Variants in BHMT2 observed in about 807,000 individuals in gnomAD.
The protein encoded by BHMT2 is S-methylmethionine--homocysteine S-methyltransferase BHMT2.
A neutral mutation model predicts 39.0 loss-of-function variants in BHMT2; 28 were observed. That is an observed-to-expected ratio of 0.72 (90% CI 0.53 to 0.98). The LOEUF (loss-of-function observed/expected upper bound fraction) is 0.98, where lower values mean the gene tolerates loss of function less well. BHMT2 is among the 50% of genes least tolerant of loss of function. The pLI is 0.00. For synonymous variants in BHMT2, 145 were observed against 160.6 expected, an observed-to-expected ratio of 0.90 and a Z score of 0.74; for missense variants, 410 against 455.6, an observed-to-expected ratio of 0.90 and a Z score of 0.91.
intron 1 of BHMT2, among the ~76,000 whole-genome samples, chr5:79,076,365 A>G (rs1755671903): frequency 6.6e-6 from 1 of 152,134 alleles, no homozygotes; most frequent in Non-Finnish European, 1.5e-5. Context: ...TTATAGGCAC[A>G]GGATGGAGGT....
At position 79,077,493 on chromosome 5, in the gene BHMT2, G is replaced by T. The variant is rs534723307; in HGVS notation, c.47G>T (p.Arg16Leu). ...TCTCTTCTTCAGGGGATTTTGGAGC[G>T]CCTGGAGAGTGGGGAGGTTGTGATT... is the stretch of plus-strand genomic sequence containing the variant. The part of the protein sequence containing the change: ...RPGAKKGILE[R>L]LESGEVVIGD... Residue 16 changes from arginine to leucine, a missense_variant, in exon 2 of 8, where the codon CGC becomes CTC. Arg to Leu is a moderately radical substitution (Grantham distance 102, BLOSUM62 -2). Transcript: ENST00000255192. The T allele has an allele frequency of 1.2e-6, 2 of 1,613,482 alleles. No homozygotes were observed. The highest frequency in any genetic ancestry group is 1.7e-6 in the Non-Finnish European group (2 of 1,179,822).
chr5:79,088,676 T>C lies in BHMT2; in HGVS notation c.*102T>C, dbSNP rs1029596385. The C allele has an allele frequency of 1.6e-5, 14 of 889,880 alleles. No homozygotes were observed. Among genetic ancestry groups the C allele is most frequent in the Non-Finnish European group, 2.1e-5 (12 of 564,818 alleles). 55.1% of individuals were successfully genotyped at this position (889,880 alleles called of 1,614,324 possible). A position where few individuals can be genotyped will look rare whatever the true frequency, so the allele number is the denominator to read the frequency against. ...CCTTCATCCTCACCATGCCCTGCTA[T>C]CTCCAGCTGCTGAGCAGCTGAGGTG... On this transcript the variant is annotated 3_prime_UTR_variant, in exon 8 of 8. Coordinates refer to ENST00000255192, the MANE Select transcript of BHMT2 (RefSeq NM_017614.5).
At chr5:79,086,924 C>A (rs1022482655) in intron 7 of BHMT2, among the ~76,000 whole-genome samples, 2 of 150,462 alleles carry the variant, frequency 1.3e-5, no homozygotes, top group Non-Finnish European at 3.0e-5. Flanking sequence ...TGTTATGGAT[C>A]ATTGTATTTC....
intron 2 of BHMT2, 93 bp from the exon 3 acceptor site, chr5:79,079,276 A>G (rs931064934): frequency 2.4e-6 from 2 of 840,118 alleles, no homozygotes; most frequent in South Asian, 1.6e-5. Context: ...AAGAGATGGG[A>G]GTCAGTGAGC....
rs1324948123 is a variant in BHMT2, at chr5:79,082,670, A to C, written c.451-139A>C. The C allele has an allele frequency of 1.5e-5, 14 of 942,228 alleles. 1 individual carries two copies. In the East Asian group the frequency reaches 3.6e-4, roughly 24 times the overall value. The allele number at this position is 942,228 out of a possible 1,614,324, so 58.4% of individuals were successfully genotyped here. ...GTATTCTTTAGTCAGTCTGATAGAC[A>C]CACATTCCTTAGCAAGTTTTATTAT... On this transcript the variant is annotated intron_variant, in intron 4 of 7. Coordinates refer to ENST00000255192, the MANE Select transcript of BHMT2 (RefSeq NM_017614.5).
At chr5:79,085,931 A>G (rs893180699) in intron 7 of BHMT2, among the ~76,000 whole-genome samples, 3 of 152,058 alleles carry the variant, frequency 2.0e-5, no homozygotes, top group Non-Finnish European at 4.4e-5. Context: ...AAGAAAGAGG[A>G]TGGATAAAGG....
chr5:79,086,966 A>G (rs956293430), intron 7 of BHMT2, among the ~76,000 whole-genome samples: 2 of 147,064 alleles, frequency 1.4e-5, no homozygotes, highest in Non-Finnish European at 3.0e-5. Flanking sequence ...GTCTCTCTCT[A>G]TCTTTCCATA....
chr5:79,074,810 G>A (rs1755643827), intron 1 of BHMT2, among the ~76,000 whole-genome samples: 1 of 152,236 alleles, frequency 6.6e-6, no homozygotes, highest in African/African-American at 2.4e-5. Context: ...CAGCAAGGTA[G>A]AGCCATGTGG....
intron 3 of BHMT2, among the ~76,000 whole-genome samples, chr5:79,080,269 T>A (rs1755760294): frequency 6.6e-6 from 1 of 152,212 alleles, no homozygotes; most frequent in Non-Finnish European, 1.5e-5. Flanking sequence ...GAAGAGTAAG[T>A]AAGACCAAGG....
chr5:79,076,948 C>A (rs1755684036), intron 1 of BHMT2, among the ~76,000 whole-genome samples: 1 of 152,198 alleles, frequency 6.6e-6, no homozygotes, highest in Non-Finnish European at 1.5e-5. Flanking sequence ...GTTGGCATTC[C>A]AGCCAGGAAG....
chr5:79,079,343 A>G lies in BHMT2; in HGVS notation c.167-26A>G, dbSNP rs773557442. 32 of 1,513,066 alleles carry G rather than the reference A, an allele frequency of 2.1e-5. No individual in the cohort carries two copies. The Middle Eastern group carries it at 2.6e-3, about 121-fold the overall frequency. The allele number at this position is 1,513,066 out of a possible 1,614,324, so 93.7% of individuals were successfully genotyped here. On this transcript the variant is annotated intron_variant, in intron 2 of 7. Coordinates refer to ENST00000255192, the MANE Select transcript of BHMT2 (RefSeq NM_017614.5). ...AATATTTCTTTATTCATTTATTTCA[A>G]TGTTTAAAACCCAACTACTTTGTAG...
At chr5:79,088,166 C>T (rs584536) in intron 7 of BHMT2, among the ~76,000 whole-genome samples, 62,402 of 152,094 alleles carry the variant, frequency 0.41, 15,207 homozygotes, top group East Asian at 0.61. Context: ...GGCAACAGAG[C>T]AAGACCCTGT....
At chr5:79,072,981 T>TTTTTA (rs1755608778) in intron 1 of BHMT2, among the ~76,000 whole-genome samples, 1 of 151,242 alleles carries the variant, frequency 6.6e-6, no homozygotes. Context: ...TTTTTTTTTT[T>TTTTTA]GAGACAGAGT....
At chr5:79,070,158 C>T (rs555899094) in intron 1 of BHMT2, among the ~76,000 whole-genome samples, 33 of 152,342 alleles carry the variant, frequency 2.2e-4, no homozygotes, top group Middle Eastern at 3.4e-3. Context: ...GTCTAGCTTT[C>T]GGACGCATGT....
At chr5:79,073,454 G>A (rs1455997791) in intron 1 of BHMT2, among the ~76,000 whole-genome samples, 1 of 152,160 alleles carries the variant, frequency 6.6e-6, no homozygotes, top group African/African-American at 2.4e-5. Flanking sequence ...AGCTTGTGGA[G>A]GGCAGAGACC....
chr5:79,089,899 C>T lies in BHMT2; in HGVS notation c.*1325C>T, dbSNP rs1755988617. ...ATGAGAATTGCTTGAACCTGGGAGG[C>T]AGAGGTTGCAGTGAGCTGAGATCGC... On this transcript the variant is annotated 3_prime_UTR_variant, in exon 8 of 8. Coordinates refer to ENST00000255192, the MANE Select transcript of BHMT2 (RefSeq NM_017614.5). Among the ~76,000 whole-genome samples the T allele has an allele frequency of 6.6e-6, 1 of 152,180 alleles. No individual in the cohort carries two copies. The highest frequency in any genetic ancestry group is 2.1e-4 in the South Asian group (1 of 4,822).
At position 79,080,739 on chromosome 5, in the gene BHMT2, A is replaced by C. The variant is rs1441858521; in HGVS notation, c.311A>C (p.Lys104Thr). 3 of 1,601,926 alleles carry C rather than the reference A, an allele frequency of 1.9e-6. No individual in the cohort carries two copies. The East Asian group carries it at 6.8e-5, about 37-fold the overall frequency. The change falls in exon 4 of 8, where the codon AAA becomes ACA. Residue 104 changes from lysine to threonine, a missense_variant. By Grantham distance (78) the Lys-to-Thr change is moderately conservative (BLOSUM62 -1). Coordinates refer to ENST00000255192, the MANE Select transcript of BHMT2 (RefSeq NM_017614.5). ...ACDLAREVAGKGDALVAGGIC... is the reference protein window; with the variant it reads ...ACDLAREVAGTGDALVAGGIC... ...GACCTCGCCAGGGAAGTGGCTGGCA[A>C]AGGTGATGCTTTGGTAGCAGGGGGG...
chr5:79,069,910 G>A, intron 1 of BHMT2, 95 bp downstream of exon 1: 1 of 1,246,954 alleles, frequency 8.0e-7, no homozygotes, highest in Non-Finnish European at 1.0e-6. Flanking sequence ...CCAAGCCCTG[G>A]GGCCTCGGCA....
Position 79,083,423 on chromosome 5 carries a change from C to T in BHMT2, c.781+49C>T, listed in dbSNP as rs201385631. ...GTCCTTGTATTTCTCGTGACAAAATCCAAATGGCTATAATAAATTGTGGCC... is the reference window on the plus strand; with the variant it reads ...GTCCTTGTATTTCTCGTGACAAAATTCAAATGGCTATAATAAATTGTGGCC... On this transcript the variant is annotated intron_variant, in intron 6 of 7. Transcript: ENST00000255192. 5.9e-5 allele frequency: 91 copies of T among 1,535,354 alleles called. No homozygotes were observed. In the East Asian group the frequency reaches 1.9e-3, roughly 32 times the overall value.
Sources: gnomAD v4.1 joint callset for allele counts (sites outside exome capture counted in the v4.1 genomes callset) on GRCh38, gnomAD v4.1.1 for gene constraint, MANE v1.5 for transcripts, NCBI Gene and HGNC (gene_info 2026-07-23, HGNC 2026-07-21) for gene names.